Variants in SLC2A9 observed in about 807,000 individuals in gnomAD.
SLC2A9 encodes solute carrier family 2, facilitated glucose transporter member 9.
In SLC2A9, 39 loss-of-function variants were observed where a neutral mutation model predicts 50.6. The ratio of observed to expected loss-of-function variants is 0.77; its 90% CI spans 0.60 to 1.01. The LOEUF is 1.01. Ranked by LOEUF, SLC2A9 falls within the 50% of genes least tolerant of loss-of-function variation. The probability of loss-of-function intolerance (pLI) is 0.00; values close to 1 mark genes in which losing one functional copy is unlikely to be tolerated. For synonymous variants in SLC2A9, 324 were observed against 276.9 expected, an observed-to-expected ratio of 1.17 and a Z score of -1.69; for missense variants, 686 against 677.6, an observed-to-expected ratio of 1.01 and a Z score of -0.14.
At chr4:10,011,887 T>C (rs956440627) in intron 2 of SLC2A9, among the ~76,000 whole-genome samples, 4 of 152,250 alleles carry the variant, frequency 2.6e-5, no homozygotes, top group Non-Finnish European at 5.9e-5. Flanking sequence ...GCCAGCCCTC[T>C]GCCCAGAGGT....
At chr4:9,784,094 G>A (rs1346828733) in intron 3 of SLC2A9, 2 of 161,876 alleles carry the variant, frequency 1.2e-5, no homozygotes, top group East Asian at 3.8e-4. Flanking sequence ...AAAATGCAAA[G>A]AAGATATTTG....
Position 9,886,681 on chromosome 4 carries a change from A to T in SLC2A9, c.1291+886T>A, listed in dbSNP as rs1260038849. On this transcript the variant is annotated intron_variant, in intron 10 of 11. Transcript: ENST00000264784. ...TTCAGTTCCCTTTGTTCTGATAGAA[A>T]CTTACTGTTTGCATCCACCAAGAAA... Among the ~76,000 whole-genome samples, 3 of 152,100 alleles carry T rather than the reference A, an allele frequency of 2.0e-5. No individual in the cohort carries two copies. In the East Asian group the frequency reaches 5.8e-4, roughly 29 times the overall value.
downstream of SLC2A9, among the ~76,000 whole-genome samples, chr4:9,777,122 T>C (rs1319943312): frequency 1.3e-5 from 2 of 152,168 alleles, no homozygotes; most frequent in Non-Finnish European, 2.9e-5. Flanking sequence ...AAATTGTTTA[T>C]TTCTCTCTCC....
chr4:9,772,835 T>A (rs1577226306), intron 1 of SLC2A9, among the ~76,000 whole-genome samples: 1 of 151,682 alleles, frequency 6.6e-6, no homozygotes, highest in East Asian at 1.9e-4. Flanking sequence ...ATTTTTTTTT[T>A]ATTATACTCT....
chr4:9,799,065 C>T (rs1371468810), downstream of SLC2A9: 4 of 152,180 alleles, frequency 2.6e-5, no homozygotes, highest in Non-Finnish European at 1.5e-5. Context: ...TGTTCCCTGG[C>T]TCTCAGCATG....
chr4:9,899,595 G>A (rs765360993), intron 8 of SLC2A9, among the ~76,000 whole-genome samples: 3 of 152,020 alleles, frequency 2.0e-5, no homozygotes, highest in Non-Finnish European at 4.4e-5. Flanking sequence ...AGTTAAAAAC[G>A]GAATATAATT....
Position 9,843,551 on chromosome 4 carries a change from GACC to G in SLC2A9, c.1292-8546_1292-8544del, listed in dbSNP as rs1331758653. On this transcript the variant is annotated intron_variant, in intron 10 of 11. Coordinates refer to ENST00000264784, the MANE Select transcript of SLC2A9 (RefSeq NM_020041.3). ...AGTTTGGAGCATGCTGCTTGAATCA[GACC>G]ATCTGGGTTAGAGTCTTGGCTCTGC... Among the ~76,000 whole-genome samples, 3 of 152,204 alleles carry G rather than the reference GACC, an allele frequency of 2.0e-5. No individual in the cohort carries two copies. In the East Asian group the frequency reaches 5.8e-4, roughly 29 times the overall value.
At chr4:9,985,869 G>A (rs565001465) in intron 3 of SLC2A9, 76 bp from the exon 4 acceptor site, 8 of 1,603,724 alleles carry the variant, frequency 5.0e-6, no homozygotes, top group Non-Finnish European at 6.8e-6. Flanking sequence ...CCAGGAGCAG[G>A]AGCCAGGCCC....
upstream of SLC2A9, among the ~76,000 whole-genome samples, chr4:10,022,638 C>T (rs1056389274): frequency 2.6e-5 from 4 of 152,176 alleles, no homozygotes; most frequent in East Asian, 1.9e-4. Flanking sequence ...GAATGCAGAA[C>T]GTCCAGGAGG....
chr4:9,988,740 C>G (rs191618400), intron 3 of SLC2A9, among the ~76,000 whole-genome samples: 1 of 152,280 alleles, frequency 6.6e-6, no homozygotes, highest in East Asian at 1.9e-4. Context: ...AAGTCATCAG[C>G]TCTCAAGGGG....
upstream of SLC2A9, among the ~76,000 whole-genome samples, chr4:10,025,055 C>T (rs1025047668): frequency 3.3e-5 from 5 of 152,216 alleles, no homozygotes; most frequent in African/African-American, 1.2e-4. Context: ...CATTTCACAC[C>T]TCTGTGGGGA....
At chr4:9,975,806 T>A (rs1754696799) in intron 5 of SLC2A9, among the ~76,000 whole-genome samples, 1 of 152,246 alleles carries the variant, frequency 6.6e-6, no homozygotes, top group African/African-American at 2.4e-5. Context: ...CATATGTTCA[T>A]GGCACCACTA....
intron 3 of SLC2A9, among the ~76,000 whole-genome samples, chr4:9,800,558 T>TGA: frequency 6.6e-6 from 1 of 152,310 alleles, no homozygotes; most frequent in Non-Finnish European, 1.5e-5. Context: ...TCCAGAATTG[T>TGA]GAGAAAATAC....
downstream of SLC2A9, among the ~76,000 whole-genome samples, chr4:9,795,728 T>A (rs540152415): frequency 6.6e-5 from 10 of 152,272 alleles, no homozygotes; most frequent in African/African-American, 2.2e-4. Context: ...CTACTGCATA[T>A]ATGGTGAGGG....
At chr4:9,972,351 A>ATT (rs1754038705) in intron 5 of SLC2A9, among the ~76,000 whole-genome samples, 1 of 151,880 alleles carries the variant, frequency 6.6e-6, no homozygotes, top group Non-Finnish European at 1.5e-5. Context: ...TTATCTTTGC[A>ATT]AGAGAAATAG....
At chr4:9,776,871 C>A (rs1717641063), downstream of SLC2A9, among the ~76,000 whole-genome samples, 1 of 152,126 alleles carries the variant, frequency 6.6e-6, no homozygotes, top group African/African-American at 2.4e-5. Flanking sequence ...GGCAACAGGG[C>A]TCACCTCCTC....
rs145256735 is a variant in SLC2A9 at position 9,883,603 on chromosome 4, G to A, written c.1291+3964C>T. ...GGCTAGTGGCTGAATGCCATTATGA[G>A]TGGAAACTGAGCAAGTGCGGCAAGG... On this transcript the variant is annotated intron_variant, in intron 10 of 11. Transcript: ENST00000264784. Among the ~76,000 whole-genome samples, 797 of 152,328 alleles carry A rather than the reference G, an allele frequency of 5.2e-3. 4 individuals are homozygous for A. The highest frequency in any genetic ancestry group is 7.6e-3 in the Non-Finnish European group (518 of 68,030).
intron 3 of SLC2A9, among the ~76,000 whole-genome samples, chr4:9,995,388 T>A (rs556564418): frequency 2.0e-4 from 31 of 152,336 alleles, no homozygotes; most frequent in African/African-American, 7.2e-4. Context: ...TTGGATGTTT[T>A]CAGGGTGGCT....
intron 3 of SLC2A9, among the ~76,000 whole-genome samples, chr4:9,793,546 T>C (rs1177888426): frequency 1.3e-5 from 2 of 152,250 alleles, no homozygotes; most frequent in Non-Finnish European, 2.9e-5. Context: ...GAATTATTTG[T>C]GGATTAAATA....
Sources: gnomAD v4.1 joint callset for allele counts (sites outside exome capture counted in the v4.1 genomes callset) on GRCh38, gnomAD v4.1.1 for gene constraint, MANE v1.5 for transcripts, NCBI Gene and HGNC (gene_info 2026-07-23, HGNC 2026-07-21) for gene names.